The following GALNT2 variants were observed in gnomAD, a reference collection of about 807,000 sequenced individuals.
GALNT2 encodes UDP-GalNAc:polypeptide N-acetylgalactosaminyltransferase 2.
In GALNT2, 31 loss-of-function variants were observed where a neutral mutation model predicts 81.4. The ratio of observed to expected loss-of-function variants is 0.38; its 90% confidence interval spans 0.29 to 0.51. The LOEUF (loss-of-function observed/expected upper bound fraction) is 0.51, where lower values mean the gene tolerates loss of function less well. Ranked by LOEUF, GALNT2 falls within the 20% of genes least tolerant of loss-of-function variation. GALNT2 has a pLI of 0.87. For synonymous variants in GALNT2, 303 were observed against 287.4 expected, an observed-to-expected ratio of 1.05 and a Z score of -0.55; for missense variants, 629 against 765.7, an observed-to-expected ratio of 0.82 and a Z score of 2.11.
At chr1:230,138,541 A>T (rs1661627125) in intron 1 of GALNT2, among the ~76,000 whole-genome samples, 1 of 123,532 alleles carries the variant, frequency 8.1e-6, no homozygotes, top group Non-Finnish European at 1.6e-5. Flanking sequence ...AAAAAAAAAA[A>T]AAATGAAACA....
At chr1:230,250,599 T>C (rs1665515103) in intron 10 of GALNT2, 39 bp downstream of exon 10, 1 of 1,477,460 alleles carries the variant, frequency 6.8e-7, no homozygotes. Context: ...GAGAAGTGCC[T>C]CAGCTCTGCA....
chr1:230,234,050 C>T (rs992820488), intron 3 of GALNT2, among the ~76,000 whole-genome samples: 3 of 152,138 alleles, frequency 2.0e-5, no homozygotes, highest in African/African-American at 7.2e-5. Flanking sequence ...ATAAATCTCT[C>T]AGGTGACAGC....
rs540518437 is a variant in GALNT2, at chr1:230,081,294, C to T, written c.126+13888C>T. Among the ~76,000 whole-genome samples, 5 of 152,292 alleles carry T rather than the reference C, an allele frequency of 3.3e-5. No individual in the cohort carries two copies. In the East Asian group the frequency reaches 9.7e-4, roughly 29 times the overall value. ...GCCCCTGGGGTTCTGCAGGTAGCTTCAGGCCAGAACCCTTTCCCCATCCAG... is the reference window on the plus strand; with the variant it reads ...GCCCCTGGGGTTCTGCAGGTAGCTTTAGGCCAGAACCCTTTCCCCATCCAG... On this transcript the variant is annotated intron_variant, in intron 1 of 15. Coordinates refer to ENST00000366672, the MANE Select transcript of GALNT2 (RefSeq NM_004481.5).
At chr1:230,067,201 C>T (rs544518954), upstream of GALNT2, 1,218 of 911,316 alleles carry the variant, frequency 1.3e-3, 2 homozygotes, top group South Asian at 5.4e-3. Context: ...CCGCTCCTCC[C>T]CCGGCCCCCA....
intron 1 of GALNT2, among the ~76,000 whole-genome samples, chr1:230,160,882 A>G (rs1400623237): frequency 1.3e-5 from 2 of 152,024 alleles, no homozygotes; most frequent in Admixed American, 1.3e-4. Flanking sequence ...TTTTGGTACA[A>G]ACTGTGGATA....
chr1:230,099,775 T>C (rs1035331469), intron 1 of GALNT2, among the ~76,000 whole-genome samples: 9 of 152,236 alleles, frequency 5.9e-5, no homozygotes, highest in Non-Finnish European at 1.3e-4. Flanking sequence ...ATAGCTTGGC[T>C]GAACCCAAAA....
At chr1:230,134,997 T>C (rs910859861) in intron 1 of GALNT2, among the ~76,000 whole-genome samples, 7 of 152,266 alleles carry the variant, frequency 4.6e-5, no homozygotes, top group Non-Finnish European at 7.3e-5. Context: ...TGAGAGGAAG[T>C]ATCTGAGAGT....
intron 3 of GALNT2, among the ~76,000 whole-genome samples, chr1:230,215,269 C>G (rs1478343749): frequency 6.6e-6 from 1 of 152,232 alleles, no homozygotes; most frequent in Non-Finnish European, 1.5e-5. Context: ...GAAGCTTTCA[C>G]TTGGCTCTGC....
chr1:230,275,814 A>G lies in GALNT2; in HGVS notation c.1560+1250A>G, dbSNP rs1666287542. ...ATATACATGCCACATATATATACAA[A>G]TATACATGCCACATATATACATGTA... On this transcript the variant is annotated intron_variant, in intron 15 of 15. Coordinates refer to ENST00000366672, the MANE Select transcript of GALNT2 (RefSeq NM_004481.5). The surrounding 1 kb of genome is among the most constrained non-coding windows in gnomAD (Gnocchi z 5.5). Among the ~76,000 whole-genome samples, 2 of 151,488 alleles carry G rather than the reference A, an allele frequency of 1.3e-5. No homozygotes were observed. The highest frequency in any genetic ancestry group is 3.9e-4 in the East Asian group (2 of 5,188).
At position 230,275,072 on chromosome 1, in the gene GALNT2, ATATACACACCACATATATATACATG is replaced by A. The variant is rs1409668260; in HGVS notation, c.1560+533_1560+557del. 1.3e-5 allele frequency among the ~76,000 whole-genome samples: 2 copies of A among 151,590 alleles called. No individual in the cohort carries two copies. The highest frequency in any genetic ancestry group is 2.4e-5 in the African/African-American group (1 of 41,186). Reference sequence around the variant, plus strand: ...ATACATGCCACATATATACGTATATATATACACACCACATATATATACATGTATACACACCACATATATATACATA... The same window carrying A: ...ATACATGCCACATATATACGTATATATATACACACCACATATATATACATA... On this transcript the variant is annotated intron_variant, in intron 15 of 15. Transcript: ENST00000366672. The surrounding 1 kb of genome is among the most constrained non-coding windows in gnomAD (Gnocchi z 5.5).
At chr1:230,146,653 TTAGTA>T (rs1398991039) in intron 1 of GALNT2, among the ~76,000 whole-genome samples, 1 of 152,024 alleles carries the variant, frequency 6.6e-6, no homozygotes, top group Non-Finnish European at 1.5e-5. Context: ...AGGAAACAAA[TTAGTA>T]TAGTAAGATG....
chr1:230,234,431 T>G (rs1041024115), intron 3 of GALNT2, among the ~76,000 whole-genome samples: 3 of 152,186 alleles, frequency 2.0e-5, no homozygotes, highest in Non-Finnish European at 4.4e-5. Flanking sequence ...TTCTGCTGCT[T>G]CAATTCCGGT....
At chr1:230,121,967 T>TTC (rs1491407239) in intron 1 of GALNT2, among the ~76,000 whole-genome samples, 3 of 126,304 alleles carry the variant, frequency 2.4e-5, no homozygotes, top group African/African-American at 6.3e-5. Context: ...TTTTTTTTTT[T>TTC]CAAGGGACAG....
intron 2 of GALNT2, among the ~76,000 whole-genome samples, chr1:230,198,999 A>G (rs929272577): frequency 7.9e-5 from 12 of 152,224 alleles, no homozygotes; most frequent in African/African-American, 2.9e-4. Flanking sequence ...CTCATGTAAA[A>G]TGTTATATCT....
chr1:230,067,374 G>C lies in GALNT2; in HGVS notation c.94G>C (p.Ala32Pro). The change falls in exon 1 of 16, where the codon GCC (alanine) becomes CCC (proline). Residue 32 changes from alanine to proline, a missense_variant. Around this residue, in one of 3 missense-constraint regions of GALNT2, gnomAD observed 62 missense variants for 47.3 expected, o/e 1.31. Transcript: ENST00000366672. The stretch of plus-strand genomic sequence containing the variant: ...GTACTCGGGGGGCGGCTCTGCGCTG[G>C]CCGGGGGCGCGGGCGGCGGCGCCGG... ...YMYSGGGSAL[A>P]GGAGGGAGRK... is the part of the protein sequence containing the mutation. 15 of 1,305,208 alleles carry C rather than the reference G, an allele frequency of 1.1e-5. No homozygotes were observed. Among genetic ancestry groups the C allele is most frequent in the Non-Finnish European group, 1.5e-5 (15 of 1,020,396 alleles). 80.9% of individuals were successfully genotyped at this position (1,305,208 alleles called of 1,614,324 possible). A position where few individuals can be genotyped will look rare whatever the true frequency, so the allele number is the denominator to read the frequency against.
intron 1 of GALNT2, among the ~76,000 whole-genome samples, chr1:230,084,186 T>G (rs1659832613): frequency 6.6e-6 from 1 of 151,966 alleles, no homozygotes. Flanking sequence ...AGGGAGACAG[T>G]GGGGAGCCAG....
chr1:230,132,404 A>T (rs1209071905), intron 1 of GALNT2, among the ~76,000 whole-genome samples: 1 of 152,198 alleles, frequency 6.6e-6, no homozygotes, highest in Non-Finnish European at 1.5e-5. Flanking sequence ...TGATACTGGG[A>T]GCGTCACAGT....
At chr1:230,256,530 C>G (rs1022247194) in intron 11 of GALNT2, among the ~76,000 whole-genome samples, 1 of 151,712 alleles carries the variant, frequency 6.6e-6, no homozygotes, top group Non-Finnish European at 1.5e-5. Context: ...AACAAACATT[C>G]AAACCATAGC....
chr1:230,207,941 T>C lies in GALNT2; in HGVS notation c.374+4651T>C, dbSNP rs562688326. Among the ~76,000 whole-genome samples, 125 of 152,328 alleles carry C rather than the reference T, an allele frequency of 8.2e-4. 2 individuals are homozygous for C. The highest frequency in any genetic ancestry group is 6.8e-3 in the Middle Eastern group (2 of 294). On this transcript the variant is annotated intron_variant, in intron 3 of 15. Coordinates refer to ENST00000366672, the MANE Select transcript of GALNT2 (RefSeq NM_004481.5). The stretch of plus-strand genomic sequence containing the variant: ...TTATTTTTAAATTGATATATCATAG[T>C]TGTTATCTATCTTGGCGGTACATGT...
Sources: gnomAD v4.1 joint callset for allele counts (sites outside exome capture counted in the v4.1 genomes callset) on GRCh38, gnomAD v4.1.1 for gene constraint, gnomAD v4.1.1 regional missense constraint, Gnocchi (gnomAD v3.1) non-coding constraint, MANE v1.5 for transcripts, NCBI Gene and HGNC (gene_info 2026-07-23, HGNC 2026-07-21) for gene names.